The following APOL2 variants were observed in gnomAD, a reference collection of about 807,000 sequenced individuals.
APOL2 encodes the protein apolipoprotein L, 2.
A neutral mutation model predicts 7.1 loss-of-function variants in APOL2; 8 were observed. That is an observed-to-expected ratio of 1.12 (90% confidence interval 0.66 to 2.03). APOL2 has a LOEUF of 2.03. APOL2 is among the 30% of genes most tolerant of loss of function. APOL2 has a pLI of 0.00. For missense variants in APOL2, 471 were observed against 415.1 expected, an observed-to-expected ratio of 1.13 and a Z score of -1.17; for synonymous variants, 177 against 159.9, an observed-to-expected ratio of 1.11 and a Z score of -0.81.
At position 36,233,143 on chromosome 22, in the gene APOL2, G is replaced by C; in HGVS notation, c.10+10C>G. ...GTAGGAACTAGCCAGGAAAGAGGAA[G>C]CGAGCCTACCTGGGTTCATGGTGCC... On this transcript the variant is annotated intron_variant, in intron 3 of 4. Transcript: ENST00000358502. 6.2e-7 allele frequency: 1 copy of C among 1,613,892 alleles called. No homozygotes were observed. Among genetic ancestry groups the C allele is most frequent in the Non-Finnish European group, 8.5e-7 (1 of 1,179,798 alleles).
At chr22:36,236,673 A>G in intron 1 of APOL2, 1 of 985,236 alleles carries the variant, frequency 1.0e-6, no homozygotes, top group Non-Finnish European at 1.2e-6. Context: ...TTAACAGCTC[A>G]GTGGTTCCCG....
At chr22:36,231,183 T>G (rs905549068) in intron 4 of APOL2, among the ~76,000 whole-genome samples, 157 bp downstream of exon 4, 7 of 152,214 alleles carry the variant, frequency 4.6e-5, no homozygotes, top group Admixed American at 2.6e-4. Flanking sequence ...GCGAAGGACA[T>G]GGAGGAAATA....
At position 36,233,436 on chromosome 22, in the gene APOL2, C is replaced by A; in HGVS notation, c.-114G>T. On this transcript the variant is annotated 5_prime_UTR_variant, in exon 2 of 5. Coordinates refer to ENST00000358502, the MANE Select transcript of APOL2 (RefSeq NM_030882.4). ...GCTTCCTCTTCCCTCACTCTCACAC[C>A]AAGGCAGGGTCCTCTTGTCCTGTAG... The A allele has an allele frequency of 6.4e-7, 1 of 1,550,862 alleles. No homozygotes were observed. Among genetic ancestry groups the A allele is most frequent in the Non-Finnish European group, 8.7e-7 (1 of 1,147,608 alleles).
chr22:36,228,325 T>C, intron 4 of APOL2, 45 bp from the exon 5 acceptor site: 2 of 1,564,594 alleles, frequency 1.3e-6, no homozygotes, highest in East Asian at 4.5e-5. Flanking sequence ...AGTTTCCCTA[T>C]CTGTGAAATG....
intron 1 of APOL2, among the ~76,000 whole-genome samples, chr22:36,235,547 A>G (rs1557533): frequency 0.4 from 61,435 of 151,862 alleles, 13,038 homozygotes; most frequent in Middle Eastern, 0.49. Flanking sequence ...GAGATTTTCT[A>G]GAAACTAAAA....
chr22:36,228,159 G>C lies in APOL2; in HGVS notation c.259C>G (p.Arg87Gly), dbSNP rs762361767. The stretch of plus-strand genomic sequence containing the variant: ...TGATCCTCAAGCTCCCTTTTCAACC[G>C]AGGAAACTCTTTCAAAAACCACTGC... ...HRQWFLKEFPRLKRELEDHIR... is the reference protein window; with the variant it reads ...HRQWFLKEFPGLKRELEDHIR... The change falls in exon 5 of 5, where the codon CGG becomes GGG. Residue 87 changes from arginine to glycine, a missense_variant. By Grantham distance (125) the Arg-to-Gly change is moderately radical. Transcript: ENST00000358502. The C allele has an allele frequency of 1.9e-6, 3 of 1,614,150 alleles. No homozygotes were observed. Among genetic ancestry groups the C allele is most frequent in the Non-Finnish European group, 2.5e-6 (3 of 1,180,038 alleles).
In APOL2 at chr22:36,231,425, C is replaced by A; in HGVS notation, c.52G>T (p.Asp18Tyr). 6.2e-7 allele frequency: 1 copy of A among 1,614,124 alleles called. No individual in the cohort carries two copies. The highest frequency in any genetic ancestry group is 1.3e-5 in the African/African-American group (1 of 75,054). The part of the protein sequence containing the change: ...FIEDYLKYFQ[D>Y]QVSRENLLQL... ...AGCAGATTCTCTCTGCTCACTTGGT[C>A]CTGGAAATACTTAAGGTAATCCTCA... is the stretch of plus-strand genomic sequence containing the variant. Residue 18 changes from aspartate (D) to tyrosine (Y), a missense_variant, in exon 4 of 5, where the codon GAC becomes TAC. Asp to Tyr is a radical substitution (Grantham distance 160). Transcript: ENST00000358502.
intron 1 of APOL2, chr22:36,236,448 A>G (rs1260846054): frequency 4.7e-6 from 3 of 641,906 alleles, no homozygotes; most frequent in East Asian, 1.4e-4. Context: ...GTGATACAAT[A>G]TTAGGAAAAG....
chr22:36,234,784 C>T (rs1366312959), intron 1 of APOL2, among the ~76,000 whole-genome samples: 1 of 152,172 alleles, frequency 6.6e-6, no homozygotes, highest in African/African-American at 2.4e-5. Flanking sequence ...CAGAACTCTT[C>T]CAAGAACCTA....
rs777938984 is a variant in APOL2 at position 36,227,804 on chromosome 22, T to C, written c.614A>G (p.Asn205Ser). Residue 205 changes from asparagine to serine, a missense_variant, in exon 5 of 5, where the codon AAT becomes AGT. Transcript: ENST00000358502. Reference sequence around the variant, plus strand: ...CCAATTGTCAACTAAGGTAAGAACATTGGGTGTGTTCCCACCCACAAACTC... The same window carrying C: ...CCAATTGTCAACTAAGGTAAGAACACTGGGTGTGTTCCCACCCACAAACTC... ...MKEFVGGNTP[N>S]VLTLVDNWYQ... 42 of 1,614,114 alleles carry C rather than the reference T, an allele frequency of 2.6e-5. No homozygotes were observed. The highest frequency in any genetic ancestry group is 3.3e-5 in the South Asian group (3 of 91,088).
chr22:36,228,569 C>T lies in APOL2; in HGVS notation c.138-289G>A, dbSNP rs542414775. ...TCCTCACTCAAGGGCAGGTCAACAC[C>T]GTGACTGCCAAAGTGTTTGGAGAGG... On this transcript the variant is annotated intron_variant, in intron 4 of 4. Coordinates refer to ENST00000358502, the MANE Select transcript of APOL2 (RefSeq NM_030882.4). 1.3e-3 allele frequency among the ~76,000 whole-genome samples: 195 copies of T among 152,244 alleles called. 2 individuals are homozygous for T. Among genetic ancestry groups the T allele is most frequent in the African/African-American group, 4.5e-3 (187 of 41,536 alleles).
At position 36,227,607 on chromosome 22, in the gene APOL2, C is replaced by T; in HGVS notation, c.811G>A (p.Gly271Arg). 1 of 1,614,244 alleles carries T rather than the reference C, an allele frequency of 6.2e-7. No individual in the cohort carries two copies. The highest frequency in any genetic ancestry group is 8.5e-7 in the Non-Finnish European group (1 of 1,180,050). ...VEGPAQAMSRGTMIVGAATGG... is the reference protein window; with the variant it reads ...VEGPAQAMSRRTMIVGAATGG... ...GTGGCTGCACCCACGATCATGGTTC[C>T]TCTGCTCATTGCCTGGGCGGGGCCT... The change falls in exon 5 of 5, where the codon GGA (glycine) becomes AGA (arginine). Residue 271 changes from glycine to arginine, a missense_variant. By Grantham distance (125) the Gly-to-Arg change is moderately radical (BLOSUM62 -2). Transcript: ENST00000358502.
At chr22:36,233,524 T>A in intron 1 of APOL2, 69 bp from the exon 2 acceptor site, 2 of 1,382,496 alleles carry the variant, frequency 1.4e-6, no homozygotes, top group South Asian at 1.2e-5. Flanking sequence ...AACTACAGAG[T>A]CTATACACAG....
At chr22:36,239,853 C>T (rs1474631846), upstream of APOL2, 1 of 293,676 alleles carries the variant, frequency 3.4e-6, no homozygotes, top group Non-Finnish European at 6.5e-6. Context: ...CCCCCAACCC[C>T]CGCCCCGATC....
intron 3 of APOL2, among the ~76,000 whole-genome samples, chr22:36,231,751 T>C (rs1485312606): frequency 1.3e-5 from 2 of 152,174 alleles, no homozygotes; most frequent in African/African-American, 4.8e-5. Context: ...TAGTGTCCTA[T>C]TGTAAGAAGA....
chr22:36,233,250 C>A lies in APOL2; in HGVS notation c.-79-9G>T, dbSNP rs185233543. Reference sequence around the variant, plus strand: ...GAAGGTTTTCCTTAACCCTTGAGAACGAGAAAACAAATTGTGGGATCGAAG... The same window carrying A: ...GAAGGTTTTCCTTAACCCTTGAGAAAGAGAAAACAAATTGTGGGATCGAAG... On this transcript the variant is annotated splice_polypyrimidine_tract_variant and intron_variant, in intron 2 of 4. Transcript: ENST00000358502. The A allele has an allele frequency of 6.2e-6, 10 of 1,613,926 alleles. No homozygotes were observed. The highest frequency in any genetic ancestry group is 7.6e-6 in the Non-Finnish European group (9 of 1,179,918).
intron 4 of APOL2, among the ~76,000 whole-genome samples, chr22:36,228,681 T>C (rs2146969584): frequency 6.6e-6 from 1 of 152,298 alleles, no homozygotes; most frequent in Middle Eastern, 3.4e-3. Flanking sequence ...GCATGAACTT[T>C]ACCCAAAGAG....
chr22:36,237,881 T>C (rs1246745899), intron 1 of APOL2, among the ~76,000 whole-genome samples: 2 of 152,186 alleles, frequency 1.3e-5, no homozygotes, highest in African/African-American at 4.8e-5. Flanking sequence ...GGAGCCCATC[T>C]ACTCCTCCCA....
At chr22:36,235,319 C>A (rs531422229) in intron 1 of APOL2, among the ~76,000 whole-genome samples, 26 of 152,172 alleles carry the variant, frequency 1.7e-4, no homozygotes, top group Admixed American at 1.6e-3. Context: ...ACCTGCCCCC[C>A]ACCCCGTTCA....
Sources: allele counts gnomAD v4.1 joint callset (sites outside exome capture counted in the v4.1 genomes callset), GRCh38; gene constraint gnomAD v4.1.1; transcripts MANE v1.5; gene names NCBI Gene and HGNC (gene_info 2026-07-23, HGNC 2026-07-21).